The following PACSIN1 variants were observed in gnomAD, a reference collection of about 807,000 sequenced individuals.
PACSIN1 encodes the protein protein kinase C and casein kinase substrate in neurons protein 1.
PACSIN1 carries 15 observed loss-of-function variants against 59.5 expected under a neutral mutation model. That is an observed-to-expected ratio of 0.25 (90% CI 0.17 to 0.39). The LOEUF (loss-of-function observed/expected upper bound fraction) is 0.39. PACSIN1 is among the 10% of genes least tolerant of loss of function. PACSIN1 has a pLI of 1.00. For missense variants in PACSIN1, 420 were observed against 580.2 expected, an observed-to-expected ratio of 0.72 and a Z score of 2.84; for synonymous variants, 210 against 220.6, an observed-to-expected ratio of 0.95 and a Z score of 0.42.
intron 1 of PACSIN1, among the ~76,000 whole-genome samples, chr6:34,468,672 C>T (rs963081108): frequency 1.1e-4 from 16 of 152,210 alleles, no homozygotes; most frequent in African/African-American, 2.7e-4. Context: ...CTCTCACCCT[C>T]GGGAGTCCAC....
At position 34,516,829 on chromosome 6, in the gene PACSIN1, C is replaced by T. The variant is rs1007757780; in HGVS notation, c.-63-9414C>T. Reference sequence around the variant, plus strand: ...CAGCCCAGGGCACCTGCCTGGAAGCCGGATTGAGACTTGACCTCCCCTGGC... The same window carrying T: ...CAGCCCAGGGCACCTGCCTGGAAGCTGGATTGAGACTTGACCTCCCCTGGC... On this transcript the variant is annotated intron_variant, in intron 1 of 9. Transcript: ENST00000244458. This position sits in a 1 kb window ranked among gnomAD's most constrained non-coding sequence, Gnocchi z 5.4. 2.0e-5 allele frequency among the ~76,000 whole-genome samples: 3 copies of T among 152,174 alleles called. No individual in the cohort carries two copies. The highest frequency in any genetic ancestry group is 4.8e-5 in the African/African-American group (2 of 41,430).
intron 1 of PACSIN1, among the ~76,000 whole-genome samples, chr6:34,512,399 C>A (rs1767218310): frequency 1.3e-5 from 2 of 152,240 alleles, no homozygotes; most frequent in Admixed American, 6.5e-5. Context: ...TTGGATGGAG[C>A]CCGGCTCTTT....
intron 1 of PACSIN1, among the ~76,000 whole-genome samples, chr6:34,481,909 C>T (rs1342972391): frequency 6.6e-6 from 1 of 152,136 alleles, no homozygotes; most frequent in Non-Finnish European, 1.5e-5. Flanking sequence ...TATTCCATAA[C>T]TCCAAAAAGA....
chr6:34,531,603 T>G lies in PACSIN1; in HGVS notation c.1041T>G (p.Val347=), dbSNP rs542670716. 17 of 1,613,772 alleles carry G rather than the reference T, an allele frequency of 1.1e-5. No homozygotes were observed. In the East Asian group the frequency reaches 3.6e-4, roughly 34 times the overall value. ...GGCTCCTTCCTCCGCGTCTCAGTGT[T>G]AGCAGCTACGACAGAGGCCAGCCCT... ...STSQAGDRGS[V]SSYDRGQPYA... The change falls in exon 9 of 10, where the codon GTT becomes GTG. Residue 347 remains valine, a synonymous_variant. Coordinates refer to ENST00000244458, the MANE Select transcript of PACSIN1 (RefSeq NM_020804.5). This position sits in a 1 kb window ranked among gnomAD's most constrained non-coding sequence, Gnocchi z 4.4.
In PACSIN1 at chr6:34,528,830, G is replaced by A; in HGVS notation, c.409G>A (p.Asp137Asn). Reference sequence around the variant, plus strand: ...CTTCAAGGAGACGAAGGAGGCTGAAGATGGCTTCCGCAAGGCCCAGAAGCC... The same window carrying A: ...CTTCAAGGAGACGAAGGAGGCTGAAAATGGCTTCCGCAAGGCCCAGAAGCC... ...GGFKETKEAE[D>N]GFRKAQKPWA... The change falls in exon 4 of 10, where the codon GAT (aspartate) becomes AAT (asparagine). Residue 137 changes from aspartate to asparagine, a missense_variant. Physicochemically the swap from Asp to Asn is conservative, Grantham distance 23. Transcript: ENST00000244458. The A allele has an allele frequency of 6.4e-7, 1 of 1,557,652 alleles. No homozygotes were observed. Among genetic ancestry groups the A allele is most frequent in the Non-Finnish European group, 8.7e-7 (1 of 1,143,958 alleles).
In PACSIN1 at chr6:34,514,083, A is replaced by G. The variant is rs1240096816; in HGVS notation, c.-63-12160A>G. Among the ~76,000 whole-genome samples, 2 of 152,196 alleles carry G rather than the reference A, an allele frequency of 1.3e-5. No individual in the cohort carries two copies. Among genetic ancestry groups the G allele is most frequent in the Admixed American group, 1.3e-4 (2 of 15,280 alleles). On this transcript the variant is annotated intron_variant, in intron 1 of 9. Transcript: ENST00000244458. This position sits in a 1 kb window ranked among gnomAD's most constrained non-coding sequence, Gnocchi z 4.4. ...TTACGTGTGTGTGTGTTATAGGTGCACTGTAGGAAGATACACAGACTTGTG... is the reference window on the plus strand; with the variant it reads ...TTACGTGTGTGTGTGTTATAGGTGCGCTGTAGGAAGATACACAGACTTGTG...
At chr6:34,508,248 C>T (rs779946301) in intron 1 of PACSIN1, among the ~76,000 whole-genome samples, 2 of 152,090 alleles carry the variant, frequency 1.3e-5, no homozygotes, top group South Asian at 2.1e-4. Context: ...GGATTACAGA[C>T]ATGCGCCACC....
At chr6:34,507,248 A>C (rs1365339047) in intron 1 of PACSIN1, among the ~76,000 whole-genome samples, 2 of 152,096 alleles carry the variant, frequency 1.3e-5, no homozygotes. Flanking sequence ...CCAGCTCCAA[A>C]TCTGGCATAT....
intron 1 of PACSIN1, among the ~76,000 whole-genome samples, chr6:34,507,006 T>G (rs1767126263): frequency 1.3e-5 from 2 of 152,210 alleles, no homozygotes; most frequent in South Asian, 2.1e-4. Context: ...GGCTGTAGTT[T>G]CTTCCATGGT....
rs138514578 is a variant in PACSIN1, at chr6:34,483,939, G to A, written c.-64+17669G>A. On this transcript the variant is annotated intron_variant, in intron 1 of 9. Transcript: ENST00000244458. ...GTTGGGATTACAGGTGTTAGCCACC[G>A]CGCTCAGCCCCTTCAAGGACTTTAT... Among the ~76,000 whole-genome samples, 267 of 152,166 alleles carry A rather than the reference G, an allele frequency of 1.8e-3. 1 individual carries two copies. Among genetic ancestry groups the A allele is most frequent in the Middle Eastern group, 6.8e-3 (2 of 294 alleles).
chr6:34,499,798 T>TA (rs200170208), intron 1 of PACSIN1, among the ~76,000 whole-genome samples: 142 of 134,164 alleles, frequency 1.1e-3, no homozygotes, highest in Admixed American at 1.0e-3. Context: ...TTCGTCTCAA[T>TA]AAAAAAAAAA....
At chr6:34,472,110 A>G (rs1766579252) in intron 1 of PACSIN1, among the ~76,000 whole-genome samples, 1 of 152,050 alleles carries the variant, frequency 6.6e-6, no homozygotes, top group South Asian at 2.1e-4. Flanking sequence ...TGTCTCTACT[A>G]AAAATACAAA....
chr6:34,487,422 C>A (rs1309839969), intron 1 of PACSIN1, among the ~76,000 whole-genome samples: 1 of 152,140 alleles, frequency 6.6e-6, no homozygotes, highest in East Asian at 1.9e-4. Context: ...CTGTGAGAGT[C>A]CCCCGTGCTC....
Position 34,530,585 on chromosome 6 carries a change from C to A in PACSIN1, c.1035C>A (p.Gly345=). ...VESTSQAGDR[G]SVSSYDRGQP... is the part of the protein sequence containing the mutation. ...CCACATCCCAGGCTGGGGACCGCGG[C>A]AGGTGAGTGCCTCCTGTGGAGCTTC... The change falls in exon 8 of 10, where the codon GGC becomes GGA. Residue 345 remains glycine (G), a splice_region_variant and synonymous_variant. Transcript: ENST00000244458. The surrounding 1 kb of genome is among the most constrained non-coding windows in gnomAD (Gnocchi z 4.4). 1.3e-6 allele frequency: 2 copies of A among 1,569,968 alleles called. No individual in the cohort carries two copies. Among genetic ancestry groups the A allele is most frequent in the East Asian group, 2.3e-5 (1 of 44,274 alleles).
intron 3 of PACSIN1, 70 bp from the exon 4 acceptor site, chr6:34,528,572 A>G (rs1767529430): frequency 9.1e-7 from 1 of 1,099,870 alleles, no homozygotes; most frequent in African/African-American, 1.5e-5. Context: ...AGCCTCAGAG[A>G]AGGGAGATGT....
intron 1 of PACSIN1, among the ~76,000 whole-genome samples, chr6:34,501,319 G>A (rs1460635319): frequency 6.6e-6 from 1 of 152,206 alleles, no homozygotes; most frequent in Non-Finnish European, 1.5e-5. Context: ...GGGATTCCTT[G>A]GGTGAAGAAA....
rs140400194 is a variant in PACSIN1, at chr6:34,530,343, A to G, written c.889A>G (p.Met297Val). 21 of 1,613,988 alleles carry G rather than the reference A, an allele frequency of 1.3e-5. No individual in the cohort carries two copies. The African/African-American group carries it at 1.3e-4, about 10-fold the overall frequency. ...CAGCACCAGTGGCCCCGGCATGCCC[A>G]TGAACTGGCCCCAGTTTGAGGTGAG... ...FRSTSGPGMP[M>V]NWPQFEEWNP... Residue 297 changes from methionine (M) to valine (V), a missense_variant, in exon 7 of 10, where the codon ATG becomes GTG. Transcript: ENST00000244458. This position sits in a 1 kb window ranked among gnomAD's most constrained non-coding sequence, Gnocchi z 4.4.
At chr6:34,508,343 G>T (rs1419289138) in intron 1 of PACSIN1, among the ~76,000 whole-genome samples, 1 of 152,132 alleles carries the variant, frequency 6.6e-6, no homozygotes, top group Non-Finnish European at 1.5e-5. Flanking sequence ...GACCTCAGGT[G>T]ACCCACCCGC....
At chr6:34,470,219 G>A (rs570764710) in intron 1 of PACSIN1, among the ~76,000 whole-genome samples, 30 of 152,108 alleles carry the variant, frequency 2.0e-4, no homozygotes, top group Admixed American at 8.5e-4. Flanking sequence ...GTCTCACTCT[G>A]TTACCCAGGC....
Sources: allele counts gnomAD v4.1 joint callset (sites outside exome capture counted in the v4.1 genomes callset), GRCh38; gene constraint gnomAD v4.1.1; non-coding constraint Gnocchi (gnomAD v3.1); transcripts MANE v1.5; gene names NCBI Gene and HGNC (gene_info 2026-07-23, HGNC 2026-07-21).